LIMCH1: variants seen among roughly 807,000 people sequenced by gnomAD.
LIMCH1 encodes LIM and calponin homology domains-containing protein 1.
A neutral mutation model predicts 176.5 loss-of-function variants in LIMCH1; 113 were observed. The observed-to-expected ratio is 0.64, with a 90% CI of 0.55 to 0.75. The LOEUF is 0.75. Ranked by LOEUF, LIMCH1 falls within the 30% of genes least tolerant of loss-of-function variation. The pLI, the probability that LIMCH1 is intolerant of heterozygous loss-of-function variation, is 0.00. For synonymous variants in LIMCH1, 619 were observed against 645.9 expected, an observed-to-expected ratio of 0.96 and a Z score of 0.63; for missense variants, 1,674 against 1,814.9, an observed-to-expected ratio of 0.92 and a Z score of 1.41.
chr4:41,421,679 G>A (rs1198908664), intron 1 of LIMCH1, among the ~76,000 whole-genome samples: 2 of 152,078 alleles, frequency 1.3e-5, no homozygotes, highest in East Asian at 3.8e-4. Flanking sequence ...AATGTAAAAA[G>A]CATAAGACTG....
intron 7 of LIMCH1, among the ~76,000 whole-genome samples, chr4:41,625,989 C>T (rs2092925234): frequency 6.6e-6 from 1 of 151,920 alleles, no homozygotes; most frequent in Non-Finnish European, 1.5e-5. Context: ...TGCGTTCCAG[C>T]CTGGGTGACA....
intron 3 of LIMCH1, among the ~76,000 whole-genome samples, chr4:41,529,541 C>T (rs1203929185): frequency 6.6e-6 from 1 of 152,054 alleles, no homozygotes; most frequent in Non-Finnish European, 1.5e-5. Context: ...GTTTGTTTTG[C>T]AGATGAGGAC....
At chr4:41,382,946 A>G (rs6831100) in intron 1 of LIMCH1, among the ~76,000 whole-genome samples, 69,159 of 151,906 alleles carry the variant, frequency 0.46, 18,572 homozygotes, top group African/African-American at 0.76. Flanking sequence ...GCATGCCAGC[A>G]CACCTGGCTA....
Position 41,620,509 on chromosome 4 carries a change from A to G in LIMCH1, c.544A>G (p.Lys182Glu). Residue 182 changes from lysine to glutamate, a missense_variant, in exon 7 of 32, where the codon AAG (lysine) becomes GAG (glutamate). By Grantham distance (56) the Lys-to-Glu change is moderately conservative. This residue lies in a region of LIMCH1 where 655 missense variants were observed against 692.2 expected (regional missense o/e 0.95). Coordinates refer to ENST00000503057, the MANE Select transcript of LIMCH1 (RefSeq NM_001330672.2). ...NPAGQMNPGW[K>E]PSDGGCELPD... ...AGCTGGCCAAATGAATCCTGGTTGGAAGCCTTCCGATGGTGGGTGTGAATT... is the reference window on the plus strand; with the variant it reads ...AGCTGGCCAAATGAATCCTGGTTGGGAGCCTTCCGATGGTGGGTGTGAATT... 1 of 1,536,422 alleles carries G rather than the reference A, an allele frequency of 6.5e-7. No individual in the cohort carries two copies. Among genetic ancestry groups the G allele is most frequent in the Non-Finnish European group, 8.7e-7 (1 of 1,146,974 alleles).
At chr4:41,556,641 T>C (rs1323122459) in intron 1 of LIMCH1, among the ~76,000 whole-genome samples, 1 of 152,088 alleles carries the variant, frequency 6.6e-6, no homozygotes, top group Non-Finnish European at 1.5e-5. Context: ...CTTAGATGAA[T>C]TAAGTCAAGC....
chr4:41,670,312 G>A (rs1465682271), intron 21 of LIMCH1, among the ~76,000 whole-genome samples: 6 of 152,118 alleles, frequency 3.9e-5, no homozygotes, highest in African/African-American at 1.2e-4. Flanking sequence ...GATGTGTAAT[G>A]TATATGAAAT....
chr4:41,525,227 T>TG (rs151188437), intron 3 of LIMCH1, among the ~76,000 whole-genome samples: 3,526 of 152,324 alleles, frequency 0.023, 62 homozygotes, highest in Non-Finnish European at 0.036. Flanking sequence ...GGCATATGTG[T>TG]GTGTGCGTGC....
chr4:41,480,913 G>T (rs868569088), intron 1 of LIMCH1, among the ~76,000 whole-genome samples: 1 of 152,118 alleles, frequency 6.6e-6, no homozygotes, highest in Non-Finnish European at 1.5e-5. Context: ...AAAGCCACTC[G>T]CATGTCTCCG....
At chr4:41,584,347 G>A (rs6812897) in intron 1 of LIMCH1, among the ~76,000 whole-genome samples, 52,776 of 152,086 alleles carry the variant, frequency 0.35, 14,627 homozygotes, top group African/African-American at 0.77. Flanking sequence ...GCCACAACCA[G>A]AGTGTGATGA....
intron 1 of LIMCH1, among the ~76,000 whole-genome samples, chr4:41,362,717 C>A (rs2052326177): frequency 6.6e-6 from 1 of 152,166 alleles, no homozygotes; most frequent in African/African-American, 2.4e-5. Flanking sequence ...ATTACTATAG[C>A]CCCCACCTAA....
intron 2 of LIMCH1, among the ~76,000 whole-genome samples, chr4:41,601,791 C>T (rs1304756536): frequency 6.6e-6 from 1 of 152,018 alleles, no homozygotes; most frequent in Non-Finnish European, 1.5e-5. Context: ...ATAAGTGATG[C>T]TGGTTTAATT....
chr4:41,515,351 T>TA (rs2075447798), intron 2 of LIMCH1, among the ~76,000 whole-genome samples: 1 of 152,222 alleles, frequency 6.6e-6, no homozygotes, highest in African/African-American at 2.4e-5. Context: ...TATGGAGGCC[T>TA]GTCCTTCAGA....
At chr4:41,625,455 G>A (rs2152841841) in intron 7 of LIMCH1, among the ~76,000 whole-genome samples, 1 of 152,092 alleles carries the variant, frequency 6.6e-6, no homozygotes, top group South Asian at 2.1e-4. Flanking sequence ...AGGCCAACAG[G>A]GCCAGCTCAA....
intron 5 of LIMCH1, among the ~76,000 whole-genome samples, chr4:41,615,011 T>C (rs1584891030): frequency 6.6e-6 from 1 of 152,338 alleles, no homozygotes; most frequent in East Asian, 1.9e-4. Flanking sequence ...GGCCACATAG[T>C]ATGTGACTCC....
At chr4:41,603,319 A>G (rs1320629916) in intron 2 of LIMCH1, among the ~76,000 whole-genome samples, 1 of 152,210 alleles carries the variant, frequency 6.6e-6, no homozygotes, top group Admixed American at 6.5e-5. Flanking sequence ...TTGAGCATGC[A>G]TGTGTGTATA....
intron 1 of LIMCH1, among the ~76,000 whole-genome samples, chr4:41,414,847 CA>C (rs1194227282): frequency 6.6e-6 from 1 of 152,072 alleles, no homozygotes; most frequent in Non-Finnish European, 1.5e-5. Context: ...ATTGTGGTCA[CA>C]ATATCTTGAA....
chr4:41,458,557 C>T lies in LIMCH1; in HGVS notation c.97-35979C>T, dbSNP rs551907507. Among the ~76,000 whole-genome samples, 13 of 151,904 alleles carry T rather than the reference C, an allele frequency of 8.6e-5. No homozygotes were observed. The South Asian group carries it at 2.5e-3, about 29-fold the overall frequency. ...TTTGGGAGGCAGAGGCGGCCAATCA[C>T]GAGGTCAAGAGATCAAGACCATCCT... On this transcript the variant is annotated intron_variant, in intron 1 of 26. Transcript: ENST00000313860.
chr4:41,369,939 A>AGTGTGTGTGTGTGTGTGTGTGT (rs113302113), intron 1 of LIMCH1, among the ~76,000 whole-genome samples: 3,594 of 138,242 alleles, frequency 0.026, 78 homozygotes, highest in Middle Eastern at 0.045. Context: ...CAGGAAGCAA[A>AGTGTGTGTGTGTGTGTGTGTGT]GTGTGTGTGT....
rs1162010111 is a variant in LIMCH1, at chr4:41,480,648, A to T, written c.97-13888A>T. ...AAATGTTTATTCAAGCAGCAACATG[A>T]TACCCAGGTAACAATAACACTGTGG... On this transcript the variant is annotated intron_variant, in intron 1 of 26. Transcript: ENST00000313860. 3.3e-5 allele frequency among the ~76,000 whole-genome samples: 5 copies of T among 152,160 alleles called. No homozygotes were observed. In the East Asian group the frequency reaches 9.6e-4, roughly 29 times the overall value.
Sources: gnomAD v4.1 joint callset for allele counts (sites outside exome capture counted in the v4.1 genomes callset) on GRCh38, gnomAD v4.1.1 for gene constraint, gnomAD v4.1.1 regional missense constraint, MANE v1.5 for transcripts, NCBI Gene and HGNC (gene_info 2026-07-23, HGNC 2026-07-21) for gene names.